Variants in GSE1 observed in about 807,000 individuals in gnomAD.
The protein encoded by GSE1 is Gse1 coiled-coil protein, also known as genetic suppressor element 1.
In GSE1, 32 loss-of-function variants were observed where a neutral mutation model predicts 112.6. The ratio of observed to expected loss-of-function variants is 0.28; its 90% CI spans 0.21 to 0.38. The LOEUF (loss-of-function observed/expected upper bound fraction) is 0.38, where lower values mean the gene tolerates loss of function less well. Among genes scored for constraint, GSE1 ranks in the 10% least tolerant of loss-of-function variants. The pLI is 1.00. For synonymous variants in GSE1, 1,115 were observed against 735.6 expected (o/e 1.52, Z -8.35); for missense variants, 2,348 against 1,699.2 (o/e 1.38, Z -6.71).
chr16:85,223,078 C>T (rs2143767809), intron 1 of GSE1, among the ~76,000 whole-genome samples: 2 of 152,218 alleles, frequency 1.3e-5, no homozygotes, highest in South Asian at 4.2e-4. Flanking sequence ...AGGTACGGGG[C>T]CGGCGGAGTC....
intron 4 of GSE1, 84 bp downstream of exon 4, chr16:85,654,534 C>G: frequency 1.7e-6 from 2 of 1,207,318 alleles, no homozygotes; most frequent in Non-Finnish European, 1.2e-6. Context: ...AGCCTGCGGT[C>G]TGCACAGATG....
At chr16:85,236,589 G>T (rs1358542984) in intron 1 of GSE1, among the ~76,000 whole-genome samples, 2 of 152,148 alleles carry the variant, frequency 1.3e-5, no homozygotes, top group Non-Finnish European at 2.9e-5. Flanking sequence ...TAGGCCTGGG[G>T]GTGGGTTGGG....
In GSE1 at chr16:85,655,015, C is replaced by G. The variant is rs367892321; in HGVS notation, c.797+24C>G. ...AGGTGAGGCATCCCCCACGCGCCCT[C>G]TCGTCTAGGTGCTGGCCTGTTCCTG... On this transcript the variant is annotated intron_variant, in intron 5 of 15. Transcript: ENST00000253458. The G allele has an allele frequency of 4.3e-5, 62 of 1,434,944 alleles. No individual in the cohort carries two copies. The Middle Eastern group carries it at 5.3e-4, about 12-fold the overall frequency. The allele number at this position is 1,434,944 out of a possible 1,614,324, so 88.9% of individuals were successfully genotyped here. A position where few individuals can be genotyped will look rare whatever the true frequency, so the allele number is the denominator to read the frequency against.
At chr16:85,654,501 G>A in intron 4 of GSE1, 51 bp downstream of exon 4, 2 of 1,469,386 alleles carry the variant, frequency 1.4e-6, no homozygotes, top group Non-Finnish European at 1.9e-6. Flanking sequence ...GGGACACAGT[G>A]CTCAGGGTCT....
intron 1 of GSE1, among the ~76,000 whole-genome samples, chr16:85,265,465 G>A (rs942807978): frequency 5.9e-5 from 9 of 152,234 alleles, no homozygotes; most frequent in African/African-American, 2.2e-4. Flanking sequence ...TGCTGACATC[G>A]TTGCCCCAGT....
chr16:85,204,805 C>T (rs755599860), intron 1 of GSE1, among the ~76,000 whole-genome samples: 64 of 152,230 alleles, frequency 4.2e-4, no homozygotes, highest in Non-Finnish European at 7.5e-4. Context: ...TATGCCAGGC[C>T]TGCCCCCCAG....
At chr16:85,346,512 G>A (rs2046742698) in intron 1 of GSE1, among the ~76,000 whole-genome samples, 1 of 151,226 alleles carries the variant, frequency 6.6e-6, no homozygotes. Flanking sequence ...GATGGGTGAT[G>A]GATGGATGGT....
At chr16:85,299,941 A>G (rs2045473861) in intron 1 of GSE1, among the ~76,000 whole-genome samples, 1 of 151,646 alleles carries the variant, frequency 6.6e-6, no homozygotes, top group African/African-American at 2.4e-5. Context: ...GTCTCAAAAA[A>G]AAAAAAAAAA....
intron 1 of GSE1, among the ~76,000 whole-genome samples, 174 bp downstream of exon 1, chr16:85,613,572 C>T (rs957218533): frequency 1.3e-5 from 2 of 151,498 alleles, no homozygotes; most frequent in Non-Finnish European, 3.0e-5. Flanking sequence ...AAAGGCCACC[C>T]CCTTCCTCCG....
intron 2 of GSE1, among the ~76,000 whole-genome samples, chr16:85,497,283 C>G (rs2051213329): frequency 6.6e-6 from 1 of 152,222 alleles, no homozygotes; most frequent in Non-Finnish European, 1.5e-5. Flanking sequence ...GTTAGACCTC[C>G]TTCTCTGCCT....
At chr16:85,400,737 CTG>C (rs1241221917) in intron 2 of GSE1, among the ~76,000 whole-genome samples, 1 of 147,292 alleles carries the variant, frequency 6.8e-6, no homozygotes, top group African/African-American at 2.5e-5. Context: ...TGGTGTGTCT[CTG>C]TATGTGGTTG....
At chr16:85,287,530 A>G (rs1425212570) in intron 1 of GSE1, among the ~76,000 whole-genome samples, 1 of 152,068 alleles carries the variant, frequency 6.6e-6, no homozygotes, top group Non-Finnish European at 1.5e-5. Flanking sequence ...TGCACCAGCC[A>G]CGCCGCTGCC....
intron 1 of GSE1, among the ~76,000 whole-genome samples, chr16:85,621,044 G>T (rs1036949062): frequency 1.3e-5 from 2 of 150,936 alleles, no homozygotes; most frequent in Admixed American, 6.6e-5. Flanking sequence ...GGTCTCTGCT[G>T]TGTGGGGGAA....
intron 1 of GSE1, among the ~76,000 whole-genome samples, chr16:85,272,592 TG>T (rs1908950157): frequency 6.6e-6 from 1 of 152,100 alleles, no homozygotes; most frequent in African/African-American, 2.4e-5. Flanking sequence ...TGCTCAGAGC[TG>T]GCCCTTTCTG....
At position 85,478,903 on chromosome 16, in the gene GSE1, CTTT is replaced by C. The variant is rs2050567587; in HGVS notation, c.2464+121261_2464+121263del. Among the ~76,000 whole-genome samples, 8 of 67,608 alleles carry C rather than the reference CTTT, an allele frequency of 1.2e-4. 1 individual carries two copies. Among genetic ancestry groups the C allele is most frequent in the Non-Finnish European group, 2.0e-4 (7 of 35,844 alleles). 44.4% of individuals were successfully genotyped at this position (67,608 alleles called of 152,430 possible). On this transcript the variant is annotated intron_variant, in intron 2 of 2. Transcript: ENST00000637419. ...TCTTTCTTTCTTTCTTTCTTTCTTT[CTTT>C]CTTTCTTTCTTTCTTTCTTTCTCTT...
chr16:85,487,386 C>T (rs560492934), intron 2 of GSE1, among the ~76,000 whole-genome samples: 1 of 152,300 alleles, frequency 6.6e-6, no homozygotes, highest in East Asian at 1.9e-4. Flanking sequence ...TAGAGTGTTC[C>T]TGGCTGTGAC....
At chr16:85,654,508 G>A (rs2051732836) in intron 4 of GSE1, 58 bp downstream of exon 4, 2 of 1,430,060 alleles carry the variant, frequency 1.4e-6, no homozygotes, top group South Asian at 1.3e-5. Context: ...AGTGCTCAGG[G>A]TCTGGGTCCC....
intron 2 of GSE1, among the ~76,000 whole-genome samples, chr16:85,426,501 G>A (rs552265688): frequency 7.3e-6 from 1 of 136,130 alleles, no homozygotes; most frequent in South Asian, 2.6e-4. Flanking sequence ...TATATGGATG[G>A]ATGGATGGAA....
intron 1 of GSE1, among the ~76,000 whole-genome samples, chr16:85,225,017 G>A (rs1597840582): frequency 6.6e-6 from 1 of 152,134 alleles, no homozygotes; most frequent in Non-Finnish European, 1.5e-5. Context: ...TGTAGCCCCA[G>A]CTACGTGGGA....
Sources: gnomAD v4.1 joint callset for allele counts (sites outside exome capture counted in the v4.1 genomes callset) on GRCh38, gnomAD v4.1.1 for gene constraint, MANE v1.5 for transcripts, NCBI Gene and HGNC (gene_info 2026-07-23, HGNC 2026-07-21) for gene names.